Variants in GMFB observed in about 807,000 individuals in gnomAD.
The protein encoded by GMFB is GMF-beta.
A neutral mutation model predicts 25.6 loss-of-function variants in GMFB; 13 were observed. The observed-to-expected ratio is 0.51, with a 90% CI of 0.33 to 0.81. GMFB has a LOEUF of 0.81. GMFB is among the 30% of genes least tolerant of loss of function. The pLI, the probability that GMFB is intolerant of heterozygous loss-of-function variation, is 0.02. For synonymous variants in GMFB, 57 were observed against 56.9 expected, an observed-to-expected ratio of 1.00 and a Z score of 0.00; for missense variants, 146 against 175.4, an observed-to-expected ratio of 0.83 and a Z score of 0.95.
At chr14:54,480,042 TATAA>T (rs2031690614) in intron 5 of GMFB, 183 bp from the exon 6 acceptor site, 1 of 486,072 alleles carries the variant, frequency 2.1e-6, no homozygotes, top group Admixed American at 3.7e-5. Context: ...ACAGTTAAGT[TATAA>T]ATAAACAAGA....
At chr14:54,487,850 A>G (rs1411634412) in intron 1 of GMFB, among the ~76,000 whole-genome samples, 1 of 152,254 alleles carries the variant, frequency 6.6e-6, no homozygotes, top group Non-Finnish European at 1.5e-5. Context: ...TGGAAAATGA[A>G]GGATTAGGAT....
chr14:54,488,763 G>A (rs2031824657), intron 1 of GMFB, 162 bp downstream of exon 1: 1 of 556,868 alleles, frequency 1.8e-6, no homozygotes, highest in Non-Finnish European at 3.0e-6. Flanking sequence ...CGGCGGCAGA[G>A]GCCAAGTACT....
At chr14:54,484,301 T>C (rs1367503632) in intron 1 of GMFB, among the ~76,000 whole-genome samples, 1 of 151,904 alleles carries the variant, frequency 6.6e-6, no homozygotes, top group African/African-American at 2.4e-5. Flanking sequence ...ATTAAATGAT[T>C]ATAGAGATAT....
At chr14:54,479,676 C>A in intron 6 of GMFB, 110 bp downstream of exon 6, 2 of 613,846 alleles carry the variant, frequency 3.3e-6, no homozygotes, top group South Asian at 4.2e-5. Context: ...CTAATCTGGT[C>A]TAAATAACCT....
chr14:54,488,976 A>C lies in GMFB; in HGVS notation c.-49T>G. ...TGTCGCCTACACTCGGGCGCCTTTAAGAATGGCACGGCGGCCGCCTCCCTT... is the reference window on the plus strand; with the variant it reads ...TGTCGCCTACACTCGGGCGCCTTTACGAATGGCACGGCGGCCGCCTCCCTT... On this transcript the variant is annotated 5_prime_UTR_variant, in exon 1 of 7. Transcript: ENST00000358056. 1 of 1,510,492 alleles carries C rather than the reference A, an allele frequency of 6.6e-7. No homozygotes were observed. The highest frequency in any genetic ancestry group is 1.2e-5 in the South Asian group (1 of 80,480). 93.6% of individuals were successfully genotyped at this position (1,510,492 alleles called of 1,614,324 possible). A position where few individuals can be genotyped will look rare whatever the true frequency, so the allele number is the denominator to read the frequency against.
rs574101052 is a variant in GMFB at position 54,483,841 on chromosome 14, T to C, written c.4-74A>G. ...TACATGTTAAAGTTATGAAACCTAA[T>C]ACCTTTATAATGCATACTGACATTC... On this transcript the variant is annotated intron_variant, in intron 1 of 6. Coordinates refer to ENST00000358056, the MANE Select transcript of GMFB (RefSeq NM_004124.3). 3.4e-4 allele frequency: 276 copies of C among 822,206 alleles called. 2 individuals carry two copies. The African/African-American group carries it at 4.4e-3, about 13-fold the overall frequency. 50.9% of individuals were successfully genotyped at this position (822,206 alleles called of 1,614,324 possible).
intron 1 of GMFB, among the ~76,000 whole-genome samples, chr14:54,487,169 G>C (rs12589472): frequency 0.065 from 9,949 of 152,246 alleles, 514 homozygotes; most frequent in East Asian, 0.27. Flanking sequence ...GCCGGGGCAG[G>C]TGGATCACTT....
At chr14:54,482,081 T>C in intron 3 of GMFB, 72 bp downstream of exon 3, 2 of 954,370 alleles carry the variant, frequency 2.1e-6, no homozygotes, top group Non-Finnish European at 3.4e-6. Context: ...GAAGCATATG[T>C]AACTAATATA....
At chr14:54,485,639 A>G (rs2031771169) in intron 1 of GMFB, among the ~76,000 whole-genome samples, 1 of 152,352 alleles carries the variant, frequency 6.6e-6, no homozygotes, top group South Asian at 2.1e-4. Flanking sequence ...AATACCAATG[A>G]CATTCTTAAA....
In GMFB at chr14:54,480,892, T is replaced by C; in HGVS notation, c.265A>G (p.Ile89Val). Residue 89 changes from isoleucine to valine, a missense_variant, in exon 5 of 7, where the codon ATT (isoleucine) becomes GTT (valine). Physicochemically the swap from Ile to Val is conservative, Grantham distance 29. Coordinates refer to ENST00000358056, the MANE Select transcript of GMFB (RefSeq NM_004124.3). The stretch of plus-strand genomic sequence containing the variant: ...CACTTACCAACAGGACTGGAGAAAA[T>C]AAAGCACAGAGGATATGAAACTCTT... Reference protein sequence around the residue: ...DGRVSYPLCFIFSSPVGCKPE... With the variant: ...DGRVSYPLCFVFSSPVGCKPE... 4 of 1,511,884 alleles carry C rather than the reference T, an allele frequency of 2.6e-6. No individual in the cohort carries two copies. The highest frequency in any genetic ancestry group is 3.6e-6 in the Non-Finnish European group (4 of 1,096,560). 93.7% of individuals were successfully genotyped at this position (1,511,884 alleles called of 1,614,324 possible). A position where few individuals can be genotyped will look rare whatever the true frequency, so the allele number is the denominator to read the frequency against.
chr14:54,485,976 G>A (rs755676985), intron 1 of GMFB, among the ~76,000 whole-genome samples: 26 of 152,198 alleles, frequency 1.7e-4, no homozygotes, highest in Non-Finnish European at 2.2e-4. Flanking sequence ...CCCGGGCCGG[G>A]CACAGTGGCT....
intron 6 of GMFB, 24 bp downstream of exon 6, chr14:54,479,762 A>T (rs1270384123): frequency 1.4e-6 from 2 of 1,384,882 alleles, no homozygotes; most frequent in African/African-American, 2.8e-5. Flanking sequence ...TTGTCTCAAC[A>T]AGTCAGTCAA....
rs2031636016 is a variant in GMFB, at chr14:54,476,069, C to A, written c.*2019G>T. 1 of 151,980 alleles carries A rather than the reference C, an allele frequency of 6.6e-6. No homozygotes were observed. 9.4% of individuals were successfully genotyped at this position (151,980 alleles called of 1,614,324 possible). A position where few individuals can be genotyped will look rare whatever the true frequency, so the allele number is the denominator to read the frequency against. On this transcript the variant is annotated 3_prime_UTR_variant, in exon 7 of 7. Transcript: ENST00000358056. ...ATGGAATAAAAATGTCCTACTGATC[C>A]TCTAACCTCAATCTGTTGTCTTGCC...
intron 1 of GMFB, among the ~76,000 whole-genome samples, chr14:54,488,143 G>A (rs2031814577): frequency 6.6e-6 from 1 of 152,248 alleles, no homozygotes; most frequent in Non-Finnish European, 1.5e-5. Flanking sequence ...ACAGAGAGCA[G>A]TGTTTTGTTG....
chr14:54,484,320 GCTA>G (rs1174283457), intron 1 of GMFB, among the ~76,000 whole-genome samples: 2 of 151,876 alleles, frequency 1.3e-5, no homozygotes, highest in African/African-American at 2.4e-5. Flanking sequence ...ATAAAAAGGA[GCTA>G]CTAAGAATGT....
intron 1 of GMFB, among the ~76,000 whole-genome samples, chr14:54,485,209 C>T (rs888204269): frequency 6.6e-6 from 1 of 151,250 alleles, no homozygotes; most frequent in Non-Finnish European, 1.5e-5. Context: ...AAAAGACATC[C>T]AAGTTAGAAA....
chr14:54,477,913 T>C lies in GMFB; in HGVS notation c.*175A>G, dbSNP rs2031661141. 1 of 456,186 alleles carries C rather than the reference T, an allele frequency of 2.2e-6. No individual in the cohort carries two copies. Among genetic ancestry groups the C allele is most frequent in the Non-Finnish European group, 4.0e-6 (1 of 251,004 alleles). The allele number at this position is 456,186 out of a possible 1,614,324, so 28.3% of individuals were successfully genotyped here. A position where few individuals can be genotyped will look rare whatever the true frequency, so the allele number is the denominator to read the frequency against. On this transcript the variant is annotated 3_prime_UTR_variant, in exon 7 of 7. Coordinates refer to ENST00000358056, the MANE Select transcript of GMFB (RefSeq NM_004124.3). ...TAAGGAAACACTTTACAAAGTTTCA[T>C]TACTATGAAGATGATTTCCTCTTTG...
intron 4 of GMFB, chr14:54,481,178 C>A (rs1053276079): frequency 7.1e-6 from 4 of 562,130 alleles, no homozygotes; most frequent in Non-Finnish European, 9.5e-6. Flanking sequence ...AGATTATTTT[C>A]TCAATTTTTA....
At chr14:54,480,784 C>G (rs988581719) in intron 5 of GMFB, 90 bp downstream of exon 5, 3 of 701,302 alleles carry the variant, frequency 4.3e-6, no homozygotes, top group Non-Finnish European at 7.7e-6. Flanking sequence ...CAACAATGTT[C>G]ATCTTTAAAA....
Sources: allele counts gnomAD v4.1 joint callset (sites outside exome capture counted in the v4.1 genomes callset), GRCh38; gene constraint gnomAD v4.1.1; transcripts MANE v1.5; gene names NCBI Gene and HGNC (gene_info 2026-07-23, HGNC 2026-07-21).